Variants in PDE1A observed in about 807,000 individuals in gnomAD.
The protein encoded by PDE1A is phosphodiesterase 1A, also known as dual specificity calcium/calmodulin-dependent 3',5'-cyclic nucleotide phosphodiesterase 1A.
In PDE1A, 35 loss-of-function variants were observed where a neutral mutation model predicts 61.7. That is an observed-to-expected ratio of 0.57 (90% CI 0.43 to 0.75). The LOEUF (loss-of-function observed/expected upper bound fraction) is 0.75, where lower values mean the gene tolerates loss of function less well. Among genes scored for constraint, PDE1A ranks in the 30% least tolerant of loss-of-function variants. The pLI is 0.00. For missense variants in PDE1A, 597 were observed against 630.6 expected, an observed-to-expected ratio of 0.95 and a Z score of 0.57; for synonymous variants, 232 against 213.2, an observed-to-expected ratio of 1.09 and a Z score of -0.77.
chr2:182,562,227 T>C, the PDE1A span, among the ~76,000 whole-genome samples: 7 of 152,264 alleles, frequency 4.6e-5, no homozygotes, highest in South Asian at 2.1e-4. Flanking sequence ...GAGATACGTC[T>C]CATCAATACC....
At chr2:182,326,709 T>G (rs1451596997) in intron 1 of PDE1A, among the ~76,000 whole-genome samples, 1 of 152,180 alleles carries the variant, frequency 6.6e-6, no homozygotes, top group Admixed American at 6.5e-5. Flanking sequence ...AGCTGGTAAA[T>G]TTTATGTTAT....
chr2:182,690,329 C>T, the PDE1A span, among the ~76,000 whole-genome samples: 3 of 152,174 alleles, frequency 2.0e-5, no homozygotes, highest in Non-Finnish European at 2.9e-5. Context: ...AGCTTATCCA[C>T]GATGATCAAG....
upstream of PDE1A, among the ~76,000 whole-genome samples, chr2:182,429,117 A>T (rs1703789662): frequency 6.6e-6 from 1 of 152,122 alleles, no homozygotes; most frequent in South Asian, 2.1e-4. Flanking sequence ...TATGGAAAGC[A>T]CTATATTTAA....
At chr2:182,505,563 T>C (rs901713627) in intron 2 of PDE1A, among the ~76,000 whole-genome samples, 5 of 152,192 alleles carry the variant, frequency 3.3e-5, no homozygotes, top group African/African-American at 1.2e-4. Flanking sequence ...CTCACTCACA[T>C]GTCCGGTAGT....
At chr2:182,456,093 T>C (rs920788889) in intron 2 of PDE1A, among the ~76,000 whole-genome samples, 1 of 152,102 alleles carries the variant, frequency 6.6e-6, no homozygotes, top group Non-Finnish European at 1.5e-5. Context: ...GTGAACTCAA[T>C]GTGGATGTAA....
intron 2 of PDE1A, among the ~76,000 whole-genome samples, chr2:182,458,593 TG>T (rs1167319693): frequency 1.3e-5 from 2 of 152,114 alleles, no homozygotes; most frequent in African/African-American, 4.8e-5. Flanking sequence ...AGGGTTCATT[TG>T]AGTGTAATCG....
intron 1 of PDE1A, among the ~76,000 whole-genome samples, chr2:182,308,358 T>C (rs991859878): frequency 4.6e-5 from 7 of 152,188 alleles, no homozygotes; most frequent in African/African-American, 1.7e-4. Flanking sequence ...AAATCATCAC[T>C]TTTAAATTGC....
chr2:182,497,674 C>T (rs1337031895), intron 2 of PDE1A, among the ~76,000 whole-genome samples: 1 of 152,048 alleles, frequency 6.6e-6, no homozygotes, highest in Non-Finnish European at 1.5e-5. Flanking sequence ...ATTATTTGCC[C>T]TTATAGAAAA....
At chr2:182,573,969 TTA>T in the PDE1A span, among the ~76,000 whole-genome samples, 1 of 94,080 alleles carries the variant, frequency 1.1e-5, no homozygotes, top group African/African-American at 4.3e-5. Context: ...ATATATTTTT[TTA>T]TACACACACA....
exon 2 of PDE1A, chr2:182,522,384 C>T (rs1419136431): frequency 6.2e-7 from 1 of 1,613,166 alleles, no homozygotes; most frequent in Admixed American, 1.7e-5. Context: ...CATGATGATG[C>T]TCCTAAGACA....
chr2:182,385,986 A>C (rs1701046963), intron 1 of PDE1A, among the ~76,000 whole-genome samples: 1 of 152,056 alleles, frequency 6.6e-6, no homozygotes, highest in African/African-American at 2.4e-5. Flanking sequence ...CAGCCTGCCG[A>C]GTGCCTGTGA....
At chr2:182,233,968 T>C (rs1689795500) in intron 4 of PDE1A, among the ~76,000 whole-genome samples, 1 of 152,178 alleles carries the variant, frequency 6.6e-6, no homozygotes, top group South Asian at 2.1e-4. Context: ...CTTTCTTAAT[T>C]TTATCTTACA....
At chr2:182,613,779 C>A in the PDE1A span, among the ~76,000 whole-genome samples, 9 of 152,230 alleles carry the variant, frequency 5.9e-5, no homozygotes, top group Non-Finnish European at 1.3e-4. Context: ...ATGAGTTTCC[C>A]GAACTGTTTG....
the PDE1A span, among the ~76,000 whole-genome samples, chr2:182,600,904 GC>G: frequency 1.4e-3 from 207 of 152,244 alleles, no homozygotes; most frequent in African/African-American, 4.4e-3. Context: ...TTTTTTAAGT[GC>G]TCATGTATTA....
At chr2:182,585,233 C>G in the PDE1A span, among the ~76,000 whole-genome samples, 1 of 152,142 alleles carries the variant, frequency 6.6e-6, no homozygotes, top group Non-Finnish European at 1.5e-5. Context: ...ACTAGAGATC[C>G]TGATGAAAAT....
At chr2:182,434,770 A>G (rs1418370748) in intron 2 of PDE1A, among the ~76,000 whole-genome samples, 2 of 151,868 alleles carry the variant, frequency 1.3e-5, no homozygotes, top group Non-Finnish European at 2.9e-5. Flanking sequence ...TCAGGGGAAA[A>G]TTTTCTATTC....
At chr2:182,329,436 G>A (rs1044603757) in intron 1 of PDE1A, among the ~76,000 whole-genome samples, 2 of 151,866 alleles carry the variant, frequency 1.3e-5, no homozygotes, top group African/African-American at 4.8e-5. Context: ...GTTGCCCAAG[G>A]TGGAGTGCAA....
At chr2:182,224,793 C>G (rs1285272862) in intron 6 of PDE1A, among the ~76,000 whole-genome samples, 1 of 151,808 alleles carries the variant, frequency 6.6e-6, no homozygotes, top group Non-Finnish European at 1.5e-5. Flanking sequence ...TTACACTAGC[C>G]ACATTACATA....
At chr2:182,409,414 C>G (rs947362433) in intron 1 of PDE1A, among the ~76,000 whole-genome samples, 2 of 152,182 alleles carry the variant, frequency 1.3e-5, no homozygotes, top group Non-Finnish European at 2.9e-5. Context: ...ATTTATCTAG[C>G]ACCTATTAGG....
Sources: allele counts gnomAD v4.1 joint callset (sites outside exome capture counted in the v4.1 genomes callset), GRCh38; gene constraint gnomAD v4.1.1; transcripts MANE v1.5; gene names NCBI Gene and HGNC (gene_info 2026-07-23, HGNC 2026-07-21).